ARHGAP24: variants seen among roughly 807,000 people sequenced by gnomAD.
The protein encoded by ARHGAP24 is rho GTPase-activating protein 24.
ARHGAP24 carries 50 observed loss-of-function variants against 76.4 expected under a neutral mutation model. That is an observed-to-expected ratio of 0.65 (90% confidence interval 0.52 to 0.83). The LOEUF is 0.83. Among genes scored for constraint, ARHGAP24 ranks in the 40% least tolerant of loss-of-function variants. The probability of loss-of-function intolerance (pLI) is 0.00; values close to 1 mark genes in which losing one functional copy is unlikely to be tolerated. For synonymous variants in ARHGAP24, 345 were observed against 323.3 expected (o/e 1.07, Z -0.72); for missense variants, 930 against 914.2 (o/e 1.02, Z -0.22).
At chr4:85,492,707 T>A (rs968067110) in intron 1 of ARHGAP24, among the ~76,000 whole-genome samples, 2 of 152,234 alleles carry the variant, frequency 1.3e-5, no homozygotes, top group Admixed American at 6.5e-5. Context: ...TTTTATTTTT[T>A]TAACTTTTTA....
Position 85,475,337 on chromosome 4 carries a change from C to G in ARHGAP24, c.-243C>G, listed in dbSNP as rs184225529. 6.5e-6 allele frequency: 1 copy of G among 152,832 alleles called. No homozygotes were observed. The highest frequency in any genetic ancestry group is 6.5e-5 in the Admixed American group (1 of 15,282). 9.5% of individuals were successfully genotyped at this position (152,832 alleles called of 1,614,324 possible). A position where few individuals can be genotyped will look rare whatever the true frequency, so the allele number is the denominator to read the frequency against. On this transcript the variant is annotated 5_prime_UTR_variant, in exon 1 of 10. Coordinates refer to ENST00000395184, the MANE Select transcript of ARHGAP24 (RefSeq NM_001025616.3). ...TGGCTGGGTGGCTGGGGGAATCCCC[C>G]CAACTTCCCATCGCAGGCGCAGCTC...
chr4:85,519,671 A>G (rs1456353806), intron 1 of ARHGAP24, among the ~76,000 whole-genome samples: 1 of 152,160 alleles, frequency 6.6e-6, no homozygotes, highest in East Asian at 1.9e-4. Flanking sequence ...CAAAGCAGCA[A>G]TTCGATTTTT....
chr4:85,601,459 A>AGAG (rs1406634668), intron 2 of ARHGAP24, among the ~76,000 whole-genome samples: 1 of 152,174 alleles, frequency 6.6e-6, no homozygotes, highest in Non-Finnish European at 1.5e-5. Flanking sequence ...TATTGGAATT[A>AGAG]GAGGCTGGGC....
intron 2 of ARHGAP24, among the ~76,000 whole-genome samples, chr4:85,708,096 A>G (rs1724388166): frequency 6.6e-6 from 1 of 151,870 alleles, no homozygotes; most frequent in Non-Finnish European, 1.5e-5. Flanking sequence ...GAACCTGAAA[A>G]CTCACAGACA....
intron 2 of ARHGAP24, among the ~76,000 whole-genome samples, chr4:85,633,652 C>T (rs1721228278): frequency 6.6e-6 from 1 of 151,876 alleles, no homozygotes; most frequent in African/African-American, 2.4e-5. Flanking sequence ...GAAGCACCCA[C>T]CAAGATCCAG....
intron 3 of ARHGAP24, among the ~76,000 whole-genome samples, chr4:85,898,830 C>T (rs117916630): frequency 1.3e-5 from 2 of 152,174 alleles, no homozygotes; most frequent in African/African-American, 2.4e-5. Context: ...CTGCAACTTC[C>T]GCCTCCCGGT....
chr4:85,693,296 T>C (rs1199856763), intron 2 of ARHGAP24, among the ~76,000 whole-genome samples: 1 of 152,102 alleles, frequency 6.6e-6, no homozygotes, highest in Non-Finnish European at 1.5e-5. Context: ...ACATTTCTTT[T>C]GTTAGGTGTT....
chr4:85,656,329 A>T (rs974603958), intron 2 of ARHGAP24, among the ~76,000 whole-genome samples: 1 of 152,252 alleles, frequency 6.6e-6, no homozygotes, highest in Non-Finnish European at 1.5e-5. Flanking sequence ...TTTTACCAAC[A>T]TTAAGCTGAA....
intron 3 of ARHGAP24, among the ~76,000 whole-genome samples, chr4:85,920,158 TA>T (rs1274956220): frequency 6.6e-6 from 1 of 152,232 alleles, no homozygotes; most frequent in Non-Finnish European, 1.5e-5. Context: ...TCGATTAATG[TA>T]ATATGTACTT....
chr4:85,543,125 T>C (rs1167017080), intron 1 of ARHGAP24, among the ~76,000 whole-genome samples: 1 of 152,178 alleles, frequency 6.6e-6, no homozygotes, highest in Non-Finnish European at 1.5e-5. Flanking sequence ...GAAGACTCCC[T>C]CATAGGGCAC....
rs1275608245 is a variant in ARHGAP24, at chr4:85,694,899, C to A, written c.181-26986C>A. On this transcript the variant is annotated intron_variant, in intron 2 of 9. Transcript: ENST00000395184. ...AAATAAAACTCCTCAAATAACAAGTCAGACCCACATGCCATACCTGAGTTA... is the reference window on the plus strand; with the variant it reads ...AAATAAAACTCCTCAAATAACAAGTAAGACCCACATGCCATACCTGAGTTA... Among the ~76,000 whole-genome samples, 4 of 152,172 alleles carry A rather than the reference C, an allele frequency of 2.6e-5. No homozygotes were observed. In the South Asian group the frequency reaches 8.3e-4, roughly 32 times the overall value.
intron 3 of ARHGAP24, among the ~76,000 whole-genome samples, chr4:85,850,359 C>T (rs1731152294): frequency 6.6e-6 from 1 of 152,076 alleles, no homozygotes; most frequent in Admixed American, 6.6e-5. Context: ...ATTAGTCTTG[C>T]TAGCAGTCTA....
At chr4:85,574,701 A>G (rs1416840473) in intron 2 of ARHGAP24, among the ~76,000 whole-genome samples, 1 of 152,216 alleles carries the variant, frequency 6.6e-6, no homozygotes, top group Admixed American at 6.5e-5. Flanking sequence ...GTTGTTTCCT[A>G]ATACATTGAA....
At chr4:85,798,890 G>A (rs1474230807) in intron 3 of ARHGAP24, among the ~76,000 whole-genome samples, 1 of 151,964 alleles carries the variant, frequency 6.6e-6, no homozygotes, top group Non-Finnish European at 1.5e-5. Context: ...AATAAAATGG[G>A]TGCTTACACT....
chr4:85,576,234 G>C (rs1727366668), intron 2 of ARHGAP24, among the ~76,000 whole-genome samples: 1 of 151,928 alleles, frequency 6.6e-6, no homozygotes, highest in Non-Finnish European at 1.5e-5. Context: ...AGACTATCCT[G>C]GCTAACACGG....
chr4:85,898,898 CA>C (rs1235747623), intron 3 of ARHGAP24, among the ~76,000 whole-genome samples: 3 of 152,162 alleles, frequency 2.0e-5, no homozygotes, highest in Non-Finnish European at 4.4e-5. Flanking sequence ...TGTCCACCAC[CA>C]TGCCTGGCTA....
chr4:85,972,834 CA>C (rs1739069042), intron 6 of ARHGAP24, among the ~76,000 whole-genome samples: 1 of 152,094 alleles, frequency 6.6e-6, no homozygotes, highest in African/African-American at 2.4e-5. Flanking sequence ...TGGAATCATT[CA>C]ATGTTTTTTT....
chr4:85,913,151 T>A (rs1735180151), intron 3 of ARHGAP24, among the ~76,000 whole-genome samples: 1 of 152,088 alleles, frequency 6.6e-6, no homozygotes, highest in Non-Finnish European at 1.5e-5. Context: ...GCTGCCCCCA[T>A]TTCTCTACTC....
chr4:85,743,214 T>A (rs1578189801), intron 3 of ARHGAP24, among the ~76,000 whole-genome samples: 1 of 151,336 alleles, frequency 6.6e-6, no homozygotes, highest in Non-Finnish European at 1.5e-5. Flanking sequence ...CTAGAGCACA[T>A]CACTGCCTTT....
Sources: gnomAD v4.1 joint callset for allele counts (sites outside exome capture counted in the v4.1 genomes callset) on GRCh38, gnomAD v4.1.1 for gene constraint, MANE v1.5 for transcripts, NCBI Gene and HGNC (gene_info 2026-07-23, HGNC 2026-07-21) for gene names.